GALNT1: variants seen among roughly 807,000 people sequenced by gnomAD.
The protein encoded by GALNT1 is GalNAc transferase 1.
GALNT1 carries 17 observed loss-of-function variants against 65.7 expected under a neutral mutation model. The ratio of observed to expected loss-of-function variants is 0.26; its 90% CI spans 0.18 to 0.39. The LOEUF (loss-of-function observed/expected upper bound fraction) is 0.39. Among genes scored for constraint, GALNT1 ranks in the 10% least tolerant of loss-of-function variants. The probability of loss-of-function intolerance (pLI) is 1.00; values close to 1 mark genes in which losing one functional copy is unlikely to be tolerated. For missense variants in GALNT1, 460 were observed against 672.8 expected (o/e 0.68, Z 3.50); for synonymous variants, 210 against 219.7 (o/e 0.96, Z 0.39).
chr18:35,585,603 T>A (rs985916786), intron 1 of GALNT1, among the ~76,000 whole-genome samples: 1 of 152,224 alleles, frequency 6.6e-6, no homozygotes, highest in African/African-American at 2.4e-5. Flanking sequence ...GATTTCCTTA[T>A]GTTTTTTTGT....
At chr18:35,581,723 C>T (rs1425979121), upstream of GALNT1, 1 of 143,642 alleles carries the variant, frequency 7.0e-6, no homozygotes, top group Non-Finnish European at 1.5e-5. Context: ...CGCCCGCCCG[C>T]CGGGGGAGCC....
chr18:35,620,215 C>A (rs924543321), intron 1 of GALNT1, among the ~76,000 whole-genome samples: 1 of 152,092 alleles, frequency 6.6e-6, no homozygotes, highest in African/African-American at 2.4e-5. Flanking sequence ...CCTTGCAGCT[C>A]CATCCGTTGT....
chr18:35,601,913 A>G (rs763672118), intron 1 of GALNT1, among the ~76,000 whole-genome samples: 11 of 152,212 alleles, frequency 7.2e-5, no homozygotes, highest in Non-Finnish European at 1.5e-4. Context: ...TGGATTACAC[A>G]TTGCAATTAC....
chr18:35,582,281 C>T (rs904525281), intron 1 of GALNT1, among the ~76,000 whole-genome samples: 1 of 152,162 alleles, frequency 6.6e-6, no homozygotes, highest in African/African-American at 2.4e-5. Flanking sequence ...TCCCGGCCCG[C>T]TGCCCCCGAG....
chr18:35,644,207 A>G (rs1216816117), intron 1 of GALNT1, among the ~76,000 whole-genome samples: 1 of 152,240 alleles, frequency 6.6e-6, no homozygotes, highest in Non-Finnish European at 1.5e-5. Flanking sequence ...GAATGTGGAC[A>G]TCAATCTGGG....
intron 6 of GALNT1, among the ~76,000 whole-genome samples, chr18:35,687,444 T>G (rs914227964): frequency 1.3e-5 from 2 of 152,212 alleles, no homozygotes; most frequent in Non-Finnish European, 2.9e-5. Context: ...CATTCCTTTA[T>G]GAACATTTTG....
intron 1 of GALNT1, among the ~76,000 whole-genome samples, chr18:35,650,532 A>C (rs984302452): frequency 6.6e-6 from 1 of 152,202 alleles, no homozygotes; most frequent in South Asian, 2.1e-4. Context: ...TGGGAGTGCT[A>C]CGGGAGACCG....
At chr18:35,698,663 C>A (rs2048102702) in intron 9 of GALNT1, among the ~76,000 whole-genome samples, 1 of 151,902 alleles carries the variant, frequency 6.6e-6, no homozygotes, top group African/African-American at 2.4e-5. Context: ...GTGCTGGAGA[C>A]ATTAACAACT....
At chr18:35,647,649 T>C (rs1364379885) in intron 1 of GALNT1, among the ~76,000 whole-genome samples, 3 of 152,122 alleles carry the variant, frequency 2.0e-5, no homozygotes, top group Non-Finnish European at 4.4e-5. Flanking sequence ...CTGGTTAGTA[T>C]GATGTAAAAC....
At chr18:35,613,976 C>T (rs1467555526) in intron 1 of GALNT1, among the ~76,000 whole-genome samples, 2 of 152,042 alleles carry the variant, frequency 1.3e-5, no homozygotes. Flanking sequence ...GGAACACAGG[C>T]CTCAGAGAAT....
At chr18:35,674,844 G>A (rs1217974966) in intron 3 of GALNT1, among the ~76,000 whole-genome samples, 1 of 151,932 alleles carries the variant, frequency 6.6e-6, no homozygotes, top group Non-Finnish European at 1.5e-5. Context: ...TTAGTCGGGC[G>A]TGGTGGCAGG....
At chr18:35,648,049 AG>A (rs1314632505) in intron 1 of GALNT1, among the ~76,000 whole-genome samples, 24 of 142,336 alleles carry the variant, frequency 1.7e-4, no homozygotes, top group African/African-American at 6.1e-4. Flanking sequence ...AAGAAGAAGA[AG>A]GAAGGGAGGA....
intron 7 of GALNT1, among the ~76,000 whole-genome samples, chr18:35,690,523 A>G (rs1462341798): frequency 5.3e-5 from 8 of 152,324 alleles, no homozygotes; most frequent in East Asian, 1.9e-4. Context: ...CAATTCATCA[A>G]TTTGAATTTA....
At chr18:35,699,673 C>T (rs1255802950) in intron 9 of GALNT1, among the ~76,000 whole-genome samples, 1 of 152,138 alleles carries the variant, frequency 6.6e-6, no homozygotes, top group Non-Finnish European at 1.5e-5. Flanking sequence ...TTTAGAAGTC[C>T]AACAAATAAG....
chr18:35,605,716 A>T (rs765500133), intron 1 of GALNT1, among the ~76,000 whole-genome samples: 9 of 152,046 alleles, frequency 5.9e-5, no homozygotes, highest in Non-Finnish European at 8.8e-5. Context: ...TATACTCATC[A>T]TCTAACCTCA....
At chr18:35,583,052 C>T (rs1302042215) in intron 1 of GALNT1, among the ~76,000 whole-genome samples, 2 of 152,142 alleles carry the variant, frequency 1.3e-5, no homozygotes, top group African/African-American at 4.8e-5. Context: ...TTACTGAATG[C>T]GATCTGTCTA....
chr18:35,634,610 A>G (rs761985044), intron 1 of GALNT1, among the ~76,000 whole-genome samples: 30 of 152,222 alleles, frequency 2.0e-4, no homozygotes, highest in Non-Finnish European at 7.3e-5. Flanking sequence ...AATGTTGTGT[A>G]CTAGGGAACC....
chr18:35,693,031 A>G (rs2047993447), intron 9 of GALNT1, among the ~76,000 whole-genome samples: 1 of 152,238 alleles, frequency 6.6e-6, no homozygotes, highest in South Asian at 2.1e-4. Flanking sequence ...CTTACAGTCC[A>G]TGAGTAAGAC....
chr18:35,664,158 A>T, intron 3 of GALNT1: 1 of 257,330 alleles, frequency 3.9e-6, no homozygotes, highest in Non-Finnish European at 7.4e-6. Context: ...AGCTCACTGA[A>T]TTTTTTGCTA....
Sources: allele counts gnomAD v4.1 joint callset (sites outside exome capture counted in the v4.1 genomes callset), GRCh38; gene constraint gnomAD v4.1.1; transcripts MANE v1.5; gene names NCBI Gene and HGNC (gene_info 2026-07-23, HGNC 2026-07-21).